Variants in CTU1 observed in about 807,000 individuals in gnomAD.
CTU1 encodes cytosolic thiouridylase subunit 1, also known as cytoplasmic tRNA 2-thiolation protein 1.
In CTU1, 15 loss-of-function variants were observed where a neutral mutation model predicts 12.9. The ratio of observed to expected loss-of-function variants is 1.16; its 90% CI spans 0.78 to 1.79. CTU1 has a LOEUF of 1.79. Among genes scored for constraint, CTU1 ranks in the 40% most tolerant of loss-of-function variants. The pLI, the probability that CTU1 is intolerant of heterozygous loss-of-function variation, is 0.00. For synonymous variants in CTU1, 295 were observed against 275.6 expected, an observed-to-expected ratio of 1.07 and a Z score of -0.70; for missense variants, 553 against 550.5, an observed-to-expected ratio of 1.00 and a Z score of -0.05.
chr19:51,104,097 C>G lies in CTU1; in HGVS notation c.473G>C (p.Gly158Ala). Residue 158 changes from glycine (G) to alanine (A), a missense_variant, in exon 2 of 3, where the codon GGG (glycine) becomes GCG (alanine). By Grantham distance (60) the Gly-to-Ala change is moderately conservative. Coordinates refer to ENST00000421832, the MANE Select transcript of CTU1 (RefSeq NM_145232.4). ...GTGCGTGGCTCCCACGCGGCGCGCCCCTTCCTCCAGCGCCCGGCGCCGCAG... is the reference window on the plus strand; with the variant it reads ...GTGCGTGGCTCCCACGCGGCGCGCCGCTTCCTCCAGCGCCCGGCGCCGCAG... The part of the protein sequence containing the change: ...GVLRRRALEE[G>A]ARRVGATHIV... 3 of 1,475,208 alleles carry G rather than the reference C, an allele frequency of 2.0e-6. No homozygotes were observed. The highest frequency in any genetic ancestry group is 2.7e-6 in the Non-Finnish European group (3 of 1,129,224). The allele number at this position is 1,475,208 out of a possible 1,614,324, so 91.4% of individuals were successfully genotyped here. A position where few individuals can be genotyped will look rare whatever the true frequency, so the allele number is the denominator to read the frequency against.
chr19:51,107,499 G>A (rs1326143413), intron 1 of CTU1, among the ~76,000 whole-genome samples: 1 of 152,116 alleles, frequency 6.6e-6, no homozygotes, highest in Non-Finnish European at 1.5e-5. Flanking sequence ...GCTGCTGTGT[G>A]GGGAGGACTG....
chr19:51,102,341 A>G (rs1284761482), intron 2 of CTU1, among the ~76,000 whole-genome samples: 2 of 152,192 alleles, frequency 1.3e-5, no homozygotes, highest in Admixed American at 6.5e-5. Context: ...CTGCTCTTGT[A>G]TGGTAAGGAT....
Position 51,104,420 on chromosome 19 carries a change from G to T in CTU1, c.150C>A (p.Pro50=). 1 of 1,220,448 alleles carries T rather than the reference G, an allele frequency of 8.2e-7. No homozygotes were observed. The highest frequency in any genetic ancestry group is 2.5e-5 in the South Asian group (1 of 39,482). 75.6% of individuals were successfully genotyped at this position (1,220,448 alleles called of 1,614,324 possible). The part of the protein sequence containing the change: ...HTVLAGRLLP[P]GAVVAVGASG... ...AGGCGCCCACGGCCACCACCGCGCCGGGCGGCAGCAGGCGGCCGGCGAGCA... is the reference window on the plus strand; with the variant it reads ...AGGCGCCCACGGCCACCACCGCGCCTGGCGGCAGCAGGCGGCCGGCGAGCA... Residue 50 remains proline (P), a synonymous_variant, in exon 2 of 3, where the codon CCC becomes CCA. Transcript: ENST00000421832.
Position 51,108,390 on chromosome 19 carries a change from C to T in CTU1, c.-65G>A, listed in dbSNP as rs1305566915. The T allele has an allele frequency of 6.6e-6, 1 of 152,316 alleles. No individual in the cohort carries two copies. The highest frequency in any genetic ancestry group is 6.5e-5 in the Admixed American group (1 of 15,290). The allele number at this position is 152,316 out of a possible 1,614,324, so 9.4% of individuals were successfully genotyped here. A position where few individuals can be genotyped will look rare whatever the true frequency, so the allele number is the denominator to read the frequency against. ...TGGGATGCCCACACTGCCCACCACG[C>T]GGAAGCCTGGCCCGGAAGTGACTCC... On this transcript the variant is annotated 5_prime_UTR_variant, in exon 1 of 3. Transcript: ENST00000421832. The surrounding 1 kb of genome is among the most constrained non-coding windows in gnomAD (Gnocchi z 4.5).
rs1418910291 is a variant in CTU1 at position 51,098,893 on chromosome 19, A to G, written c.755T>C (p.Leu252Pro). 2 of 1,491,118 alleles carry G rather than the reference A, an allele frequency of 1.3e-6. No individual in the cohort carries two copies. The allele number at this position is 1,491,118 out of a possible 1,614,324, so 92.4% of individuals were successfully genotyped here. A position where few individuals can be genotyped will look rare whatever the true frequency, so the allele number is the denominator to read the frequency against. Residue 252 changes from leucine (L) to proline (P), a missense_variant, in exon 3 of 3, where the codon CTC becomes CCC. Leu to Pro is a moderately conservative substitution (Grantham distance 98). Around this residue, in one of 2 missense-constraint regions of CTU1, gnomAD observed 500 missense variants for 458.5 expected, o/e 1.09. Transcript: ENST00000421832. The surrounding 1 kb of genome is among the most constrained non-coding windows in gnomAD (Gnocchi z 4.3). ...EAFRGHARDL[L>P]KRLEAARPSA... is the part of the protein sequence containing the mutation. ...CGGCCGCGCCGCCTCCAGGCGCTTGAGCAGGTCCCGGGCGTGGCCGCGGAA... is the reference window on the plus strand; with the variant it reads ...CGGCCGCGCCGCCTCCAGGCGCTTGGGCAGGTCCCGGGCGTGGCCGCGGAA...
Position 51,098,414 on chromosome 19 carries a change from G to C in CTU1, c.*187C>G. On this transcript the variant is annotated 3_prime_UTR_variant, in exon 3 of 3. Transcript: ENST00000421832. This position sits in a 1 kb window ranked among gnomAD's most constrained non-coding sequence, Gnocchi z 4.3. ...TCCCTCAGAGCCTGAAGCCCAGTTC[G>C]AGACCCTTCTTCCCTGAGACCTCGA... 2.1e-6 allele frequency: 1 copy of C among 474,562 alleles called. No homozygotes were observed. The highest frequency in any genetic ancestry group is 5.7e-4 in the Middle Eastern group (1 of 1,764). The allele number at this position is 474,562 out of a possible 1,614,324, so 29.4% of individuals were successfully genotyped here.
In CTU1 at chr19:51,104,519, G is replaced by A. The variant is rs1193474464; in HGVS notation, c.51C>T (p.Arg17=). 132 of 1,272,870 alleles carry A rather than the reference G, an allele frequency of 1.0e-4. No individual in the cohort carries two copies. Among genetic ancestry groups the A allele is most frequent in the Non-Finnish European group, 1.1e-4 (109 of 1,011,496 alleles). The allele number at this position is 1,272,870 out of a possible 1,614,324, so 78.8% of individuals were successfully genotyped here. The change falls in exon 2 of 3, where the codon CGC becomes CGT. Residue 17 remains arginine, a synonymous_variant. Transcript: ENST00000421832. Reference sequence around the variant, plus strand: ...ACAGCGCTTGGCCCGAGAGCGGACGGCGGAGGGCGGCGCGTGCAGCATGGC... The same window carrying A: ...ACAGCGCTTGGCCCGAGAGCGGACGACGGAGGGCGGCGCGTGCAGCATGGC... The part of the protein sequence containing the change: ...ASCHAARAAL[R]RPLSGQALCG...
At chr19:51,104,635 T>C (rs1283617597) in intron 1 of CTU1, 45 bp from the exon 2 acceptor site, 1 of 1,189,540 alleles carries the variant, frequency 8.4e-7, no homozygotes, top group African/African-American at 1.6e-5. Flanking sequence ...GGATTCCGGA[T>C]TGCAGGGTCC....
At position 51,104,075 on chromosome 19, in the gene CTU1, C is replaced by T. The variant is rs771427787; in HGVS notation, c.495G>A (p.Thr165=). 2.1e-6 allele frequency: 3 copies of T among 1,458,854 alleles called. No individual in the cohort carries two copies. The South Asian group carries it at 4.3e-5, about 21-fold the overall frequency. The allele number at this position is 1,458,854 out of a possible 1,614,324, so 90.4% of individuals were successfully genotyped here. A position where few individuals can be genotyped will look rare whatever the true frequency, so the allele number is the denominator to read the frequency against. ...LEEGARRVGA[T]HIVTGHNADD... The stretch of plus-strand genomic sequence containing the variant: ...TACTACGCTCACCTGTCACGATGTG[C>T]GTGGCTCCCACGCGGCGCGCCCCTT... Residue 165 remains threonine (T), a synonymous_variant, in exon 2 of 3, where the codon ACG becomes ACA. Transcript: ENST00000421832.
Position 51,104,135 on chromosome 19 carries a change from G to A in CTU1, c.435C>T (p.Thr145=), listed in dbSNP as rs1221283747. 6.6e-6 allele frequency: 10 copies of A among 1,512,132 alleles called. No individual in the cohort carries two copies. The highest frequency in any genetic ancestry group is 3.8e-5 in the South Asian group (3 of 78,788). 93.7% of individuals were successfully genotyped at this position (1,512,132 alleles called of 1,614,324 possible). A position where few individuals can be genotyped will look rare whatever the true frequency, so the allele number is the denominator to read the frequency against. The change falls in exon 2 of 3, where the codon ACC becomes ACT. Residue 145 remains threonine, a synonymous_variant. Transcript: ENST00000421832. ...AGSGRSRSCC[T]FCGVLRRRAL... ...CCCGGCGCCGCAGCACTCCACAGAA[G>A]GTGCAGCAGGAGCGGCTGCGGCCGG... is the stretch of plus-strand genomic sequence containing the variant.
At chr19:51,104,710 G>C (rs1485168694) in intron 1 of CTU1, 120 bp from the exon 2 acceptor site, 1 of 742,442 alleles carries the variant, frequency 1.3e-6, no homozygotes, top group Non-Finnish European at 1.8e-6. Flanking sequence ...ACGTGTGCGC[G>C]AGTGGAGTAG....
intron 2 of CTU1, among the ~76,000 whole-genome samples, chr19:51,101,393 A>C (rs1290127734): frequency 6.6e-6 from 1 of 152,172 alleles, no homozygotes; most frequent in East Asian, 1.9e-4. Flanking sequence ...ATCTGGGATG[A>C]GTCTGCCCTC....
Position 51,098,855 on chromosome 19 carries a change from C to T in CTU1, c.793G>A (p.Asp265Asn), listed in dbSNP as rs2091898934. 1.8e-5 allele frequency: 24 copies of T among 1,368,128 alleles called. No homozygotes were observed. The highest frequency in any genetic ancestry group is 2.3e-5 in the Non-Finnish European group (24 of 1,054,068). 84.7% of individuals were successfully genotyped at this position (1,368,128 alleles called of 1,614,324 possible). ...LEAARPSAVL[D>N]LVHSAERLAL... Reference sequence around the variant, plus strand: ...AGGCGCTCGGCCGAGTGCACGAGGTCCAGCACCGCGGACGGCCGCGCCGCC... The same window carrying T: ...AGGCGCTCGGCCGAGTGCACGAGGTTCAGCACCGCGGACGGCCGCGCCGCC... The change falls in exon 3 of 3, where the codon GAC becomes AAC. Residue 265 changes from aspartate (D) to asparagine (N), a missense_variant. Physicochemically the swap from Asp to Asn is conservative, Grantham distance 23. Transcript: ENST00000421832. This position sits in a 1 kb window ranked among gnomAD's most constrained non-coding sequence, Gnocchi z 4.3.
At chr19:51,104,034 G>A (rs2091913277) in intron 2 of CTU1, 28 bp downstream of exon 2, 1 of 1,423,636 alleles carries the variant, frequency 7.0e-7, no homozygotes, top group African/African-American at 1.5e-5. Context: ...CTCGGAGAGT[G>A]CCGCTCTGCG....
intron 2 of CTU1, among the ~76,000 whole-genome samples, chr19:51,100,259 G>A: frequency 6.6e-6 from 1 of 152,154 alleles, no homozygotes; most frequent in Non-Finnish European, 1.5e-5. Context: ...TGAGGGCAGA[G>A]GCAAGGTTAG....
rs757161423 is a variant in CTU1, at chr19:51,098,739, C to T, written c.909G>A (p.Ala303=). 2 of 1,202,032 alleles carry T rather than the reference C, an allele frequency of 1.7e-6. No individual in the cohort carries two copies. The highest frequency in any genetic ancestry group is 3.2e-5 in the African/African-American group (2 of 61,664). 74.5% of individuals were successfully genotyped at this position (1,202,032 alleles called of 1,614,324 possible). The part of the protein sequence containing the change: ...LASRALCQAC[A]LLDGLNRGRP... The stretch of plus-strand genomic sequence containing the variant: ...GGCCGCGGTTCAGGCCGTCCAGGAG[C>T]GCGCAGGCCTGGCAGAGCGCGCGGC... The change falls in exon 3 of 3, where the codon GCG becomes GCA. Residue 303 remains alanine (A), a synonymous_variant. Transcript: ENST00000421832. The surrounding 1 kb of genome is among the most constrained non-coding windows in gnomAD (Gnocchi z 4.3).
chr19:51,098,766 G>A lies in CTU1; in HGVS notation c.882C>T (p.Ala294=), dbSNP rs2091898344. Reference sequence around the variant, plus strand: ...CGCAGGCCTGGCAGAGCGCGCGGCTGGCCAGCGCCCCACAGCGGGAGCAGG... The same window carrying A: ...CGCAGGCCTGGCAGAGCGCGCGGCTAGCCAGCGCCCCACAGCGGGAGCAGG... The part of the protein sequence containing the change: ...PGACSRCGAL[A]SRALCQACAL... Residue 294 remains alanine, a synonymous_variant, in exon 3 of 3, where the codon GCC becomes GCT. Transcript: ENST00000421832. This position sits in a 1 kb window ranked among gnomAD's most constrained non-coding sequence, Gnocchi z 4.3. 2 of 1,105,946 alleles carry A rather than the reference G, an allele frequency of 1.8e-6. No homozygotes were observed. Among genetic ancestry groups the A allele is most frequent in the Non-Finnish European group, 2.2e-6 (2 of 907,424 alleles). 68.5% of individuals were successfully genotyped at this position (1,105,946 alleles called of 1,614,324 possible).
intron 2 of CTU1, among the ~76,000 whole-genome samples, chr19:51,100,183 C>T (rs1457049374): frequency 6.6e-6 from 1 of 152,080 alleles, no homozygotes; most frequent in African/African-American, 2.4e-5. Flanking sequence ...GAGGGGAACA[C>T]ACACAAGCTC....
chr19:51,099,139 C>T lies in CTU1; in HGVS notation c.509G>A (p.Gly170Asp). 2 of 1,569,090 alleles carry T rather than the reference C, an allele frequency of 1.3e-6. No individual in the cohort carries two copies. Among genetic ancestry groups the T allele is most frequent in the Non-Finnish European group, 1.7e-6 (2 of 1,166,938 alleles). The change falls in exon 3 of 3, where the codon GGT (glycine) becomes GAT (aspartate). Residue 170 changes from glycine to aspartate, a missense_variant and splice_region_variant. Physicochemically the swap from Gly to Asp is moderately conservative, Grantham distance 94. This residue lies in a region of CTU1 where 500 missense variants were observed against 458.5 expected (regional missense o/e 1.09). Coordinates refer to ENST00000421832, the MANE Select transcript of CTU1 (RefSeq NM_145232.4). The part of the protein sequence containing the change: ...RRVGATHIVT[G>D]HNADDMAETV... ...CTCCGCCATGTCGTCGGCGTTGTGA[C>T]CTGGTGGGGAGAGAAGGGAGCGGGT...
Sources: allele counts gnomAD v4.1 joint callset (sites outside exome capture counted in the v4.1 genomes callset), GRCh38; gene constraint gnomAD v4.1.1; regional missense constraint gnomAD v4.1.1; non-coding constraint Gnocchi (gnomAD v3.1); transcripts MANE v1.5; gene names NCBI Gene and HGNC (gene_info 2026-07-23, HGNC 2026-07-21).